Variants in ABL2 observed in about 807,000 individuals in gnomAD.
ABL2 encodes tyrosine-protein kinase ABL2.
In ABL2, 49 loss-of-function variants were observed where a neutral mutation model predicts 107.7. That is an observed-to-expected ratio of 0.45 (90% CI 0.36 to 0.58). The LOEUF (loss-of-function observed/expected upper bound fraction) is 0.58. Ranked by LOEUF, ABL2 falls within the 20% of genes least tolerant of loss-of-function variation. The pLI is 0.00. For synonymous variants in ABL2, 549 were observed against 548.6 expected, an observed-to-expected ratio of 1.00 and a Z score of -0.01; for missense variants, 1,245 against 1,457.0, an observed-to-expected ratio of 0.85 and a Z score of 2.37.
chr1:179,229,207 C>CCCCCCCCCCCCCCCCCACA, intron 1 of ABL2, 34 bp downstream of exon 1: 1 of 1,485,454 alleles, frequency 6.7e-7, no homozygotes, highest in Non-Finnish European at 9.0e-7. Context: ...CCGGCCTCCC[C>CCCCCCCCCCCCCCCCCACA]CACGCTCTCA....
intron 1 of ABL2, among the ~76,000 whole-genome samples, chr1:179,166,854 A>ATTATGTTACC (rs1659417531): frequency 6.6e-6 from 1 of 152,070 alleles, no homozygotes; most frequent in Admixed American, 6.6e-5. Flanking sequence ...ACAATGAGAT[A>ATTATGTTACC]TTATGTTACC....
At chr1:179,128,173 T>C (rs1655924806) in intron 3 of ABL2, among the ~76,000 whole-genome samples, 1 of 152,128 alleles carries the variant, frequency 6.6e-6, no homozygotes, top group Non-Finnish European at 1.5e-5. Context: ...TCAGACACCA[T>C]CTCACCTTAG....
chr1:179,173,214 A>G (rs1339265567), intron 1 of ABL2, among the ~76,000 whole-genome samples: 1 of 151,618 alleles, frequency 6.6e-6, no homozygotes, highest in African/African-American at 2.4e-5. Context: ...CAACAACAGA[A>G]AAAAAACGTA....
At chr1:179,151,460 TTAATA>T (rs1484163609) in intron 1 of ABL2, among the ~76,000 whole-genome samples, 2 of 152,226 alleles carry the variant, frequency 1.3e-5, no homozygotes, top group African/African-American at 2.4e-5. Context: ...TATACTATAT[TTAATA>T]TAATTTATAC....
intron 8 of ABL2, among the ~76,000 whole-genome samples, chr1:179,116,604 G>A (rs554199220): frequency 6.7e-5 from 10 of 149,148 alleles, no homozygotes; most frequent in Admixed American, 6.0e-4. Flanking sequence ...TCCACCTCCC[G>A]GGTTCAAGTG....
rs771306580 is a variant in ABL2 at position 179,126,612 on chromosome 1, T to C, written c.452A>G (p.Lys151Arg). The C allele has an allele frequency of 6.2e-7, 1 of 1,614,188 alleles. No homozygotes were observed. The highest frequency in any genetic ancestry group is 8.5e-7 in the Non-Finnish European group (1 of 1,180,026). The change falls in exon 4 of 12, where the codon AAG becomes AGG. Residue 151 changes from lysine to arginine, a missense_variant. Around this residue, in one of 3 missense-constraint regions of ABL2, gnomAD observed 320 missense variants for 547.0 expected, o/e 0.59. Coordinates refer to ENST00000502732, the MANE Select transcript of ABL2 (RefSeq NM_007314.4). The surrounding 1 kb of genome is among the most constrained non-coding windows in gnomAD (Gnocchi z 4.4). The stretch of plus-strand genomic sequence containing the variant: ...GCTTGGCACCCAGCCCTGCCCATTC[T>C]TAGAGCGAACTTCACTCCACTCACC... Reference protein sequence around the residue: ...QNGEWSEVRSKNGQGWVPSNY... With the variant: ...QNGEWSEVRSRNGQGWVPSNY...
chr1:179,219,648 A>G (rs934462990), intron 1 of ABL2, among the ~76,000 whole-genome samples: 2 of 152,220 alleles, frequency 1.3e-5, no homozygotes, highest in South Asian at 4.1e-4. Context: ...TCTAGAGAGG[A>G]TATCACTTAC....
At chr1:179,198,046 G>A (rs771067103) in intron 1 of ABL2, among the ~76,000 whole-genome samples, 4 of 151,318 alleles carry the variant, frequency 2.6e-5, no homozygotes, top group Non-Finnish European at 5.9e-5. Context: ...GGTGGCACAC[G>A]TCTATAGTCC....
rs1653435868 is a variant in ABL2 at position 179,105,836 on chromosome 1, T to C, written c.*1882A>G. On this transcript the variant is annotated 3_prime_UTR_variant, in exon 12 of 12. Transcript: ENST00000502732. ...AGCCCAATTCATATAATCTCAACAA[T>C]TCTTAATTTCATTAATATTTTCTAC... 1 of 224,858 alleles carries C rather than the reference T, an allele frequency of 4.4e-6. No individual in the cohort carries two copies. Among genetic ancestry groups the C allele is most frequent in the South Asian group, 1.8e-4 (1 of 5,450 alleles). The allele number at this position is 224,858 out of a possible 1,614,324, so 13.9% of individuals were successfully genotyped here.
intron 1 of ABL2, among the ~76,000 whole-genome samples, chr1:179,182,926 T>A (rs921108248): frequency 6.6e-6 from 1 of 151,898 alleles, no homozygotes; most frequent in African/African-American, 2.4e-5. Context: ...GATATCAGCA[T>A]TTTTTTTGAG....
chr1:179,174,907 AATAAAATAAAAAAAAT>A (rs1659950581), intron 1 of ABL2, among the ~76,000 whole-genome samples: 1 of 114,900 alleles, frequency 8.7e-6, no homozygotes, highest in Non-Finnish European at 1.9e-5. Context: ...AAAAAAAAAA[AATAAAATAAAAAAAAT>A]AATAATAATA....
At chr1:179,213,572 A>T (rs1475432825) in intron 1 of ABL2, among the ~76,000 whole-genome samples, 1 of 152,150 alleles carries the variant, frequency 6.6e-6, no homozygotes, top group Non-Finnish European at 1.5e-5. Context: ...AACTGCTAGG[A>T]TTACAGGTGT....
chr1:179,110,670 C>T, intron 10 of ABL2: 1 of 1,563,566 alleles, frequency 6.4e-7, no homozygotes. Flanking sequence ...CAGGGGTTCT[C>T]ATTGCTGTGT....
chr1:179,099,988 C>A lies in ABL2; in HGVS notation c.*7730G>T, dbSNP rs1652971027. Reference sequence around the variant, plus strand: ...TGAGCGATTCCTCTTTTACTTACTCCCCCTTTCTTAATGGGCACGACAGCA... The same window carrying A: ...TGAGCGATTCCTCTTTTACTTACTCACCCTTTCTTAATGGGCACGACAGCA... On this transcript the variant is annotated 3_prime_UTR_variant, in exon 12 of 12. Transcript: ENST00000502732. The A allele has an allele frequency of 4.3e-6, 1 of 232,536 alleles. No homozygotes were observed. Among genetic ancestry groups the A allele is most frequent in the Non-Finnish European group, 8.5e-6 (1 of 117,700 alleles). 14.4% of individuals were successfully genotyped at this position (232,536 alleles called of 1,614,324 possible).
chr1:179,099,419 G>C lies in ABL2; in HGVS notation c.*8299C>G. ...GACAGAGAAAGCAGTCCCTTTCAAG[G>C]GCCTCATTTATTTACATCAAGTTTA... On this transcript the variant is annotated 3_prime_UTR_variant, in exon 12 of 12. Transcript: ENST00000502732. 4.7e-6 allele frequency: 1 copy of C among 212,802 alleles called. No homozygotes were observed. Among genetic ancestry groups the C allele is most frequent in the Admixed American group, 5.9e-5 (1 of 17,022 alleles). The allele number at this position is 212,802 out of a possible 1,614,324, so 13.2% of individuals were successfully genotyped here.
Position 179,121,914 on chromosome 1 carries a change from AATTTTTT to A in ABL2, c.688-54_688-48del. 5.2e-6 allele frequency: 5 copies of A among 953,304 alleles called. No homozygotes were observed. The African/African-American group carries it at 8.4e-5, about 16-fold the overall frequency. The allele number at this position is 953,304 out of a possible 1,614,324, so 59.1% of individuals were successfully genotyped here. A position where few individuals can be genotyped will look rare whatever the true frequency, so the allele number is the denominator to read the frequency against. ...CTAAACAACTTGAAAAGAGATTAAG[AATTTTTT>A]TTTTTTTTTTTTTTTTTTTTTTGAG... On this transcript the variant is annotated intron_variant, in intron 4 of 11. Transcript: ENST00000502732.
At chr1:179,198,611 G>A (rs1381899222) in intron 1 of ABL2, among the ~76,000 whole-genome samples, 3 of 142,982 alleles carry the variant, frequency 2.1e-5, no homozygotes, top group Non-Finnish European at 4.5e-5. Context: ...GAGAACTGCT[G>A]GAACCAGGGG....
At chr1:179,131,652 A>C (rs1349070207) in intron 2 of ABL2, among the ~76,000 whole-genome samples, 171 bp from the exon 3 acceptor site, 1 of 152,226 alleles carries the variant, frequency 6.6e-6, no homozygotes, top group Non-Finnish European at 1.5e-5. Context: ...CCTAAGCATG[A>C]GGAAGCAATT....
intron 1 of ABL2, among the ~76,000 whole-genome samples, chr1:179,147,080 A>T (rs1354681025): frequency 2.6e-5 from 4 of 151,144 alleles, no homozygotes; most frequent in African/African-American, 9.8e-5. Context: ...AAAAATTTAA[A>T]AAGTAGGCTA....
Sources: gnomAD v4.1 joint callset for allele counts (sites outside exome capture counted in the v4.1 genomes callset) on GRCh38, gnomAD v4.1.1 for gene constraint, gnomAD v4.1.1 regional missense constraint, Gnocchi (gnomAD v3.1) non-coding constraint, MANE v1.5 for transcripts, NCBI Gene and HGNC (gene_info 2026-07-23, HGNC 2026-07-21) for gene names.